KIF2A: variants seen among roughly 807,000 people sequenced by gnomAD.
The protein encoded by KIF2A is kinesin-like protein KIF2A.
A neutral mutation model predicts 100.2 loss-of-function variants in KIF2A; 22 were observed. That is an observed-to-expected ratio of 0.22 (90% CI 0.16 to 0.31). The LOEUF (loss-of-function observed/expected upper bound fraction) is 0.31. Among genes scored for constraint, KIF2A ranks in the 10% least tolerant of loss-of-function variants. The pLI is 1.00. For missense variants in KIF2A, 495 were observed against 898.7 expected (o/e 0.55, Z 5.74); for synonymous variants, 268 against 285.9 (o/e 0.94, Z 0.63).
rs76625425 is a variant in KIF2A at position 62,353,190 on chromosome 5, G to T, written c.458-85G>T. 1,033 of 629,980 alleles carry T rather than the reference G, an allele frequency of 1.6e-3. 9 individuals are homozygous for T. The African/African-American group carries it at 0.018, about 11-fold the overall frequency. The allele number at this position is 629,980 out of a possible 1,614,324, so 39.0% of individuals were successfully genotyped here. On this transcript the variant is annotated intron_variant, in intron 5 of 20. Transcript: ENST00000407818. ...GTCACTGTGTACCTTTTATGTGTGT[G>T]TGGTGAAGTTATACATAAAAAAAGT...
At chr5:62,362,245 AAGT>A (rs1227463611) in intron 11 of KIF2A, 2 of 199,214 alleles carry the variant, frequency 1.0e-5, no homozygotes, top group East Asian at 1.2e-4. Context: ...ATATAAATAA[AAGT>A]AGCACCCTTT....
In KIF2A at chr5:62,381,157, G is replaced by C; in HGVS notation, c.2053G>C (p.Glu685Gln). 1 of 1,610,798 alleles carries C rather than the reference G, an allele frequency of 6.2e-7. No homozygotes were observed. The highest frequency in any genetic ancestry group is 8.5e-7 in the Non-Finnish European group (1 of 1,177,178). ...GTTAGAAGATGAAAAGGCCCTCTTAGAGATGACTGAAGAAGTAGATTATGA... is the reference window on the plus strand; with the variant it reads ...GTTAGAAGATGAAAAGGCCCTCTTACAGATGACTGAAGAAGTAGATTATGA... The part of the protein sequence containing the change: ...RWLEDEKALL[E>Q]MTEEVDYDVD... Residue 685 changes from glutamate (E) to glutamine (Q), a missense_variant, in exon 20 of 21, where the codon GAG (glutamate) becomes CAG (glutamine). By Grantham distance (29) the Glu-to-Gln change is conservative. Coordinates refer to ENST00000407818, the MANE Select transcript of KIF2A (RefSeq NM_001098511.3).
chr5:62,332,122 CAT>C lies in KIF2A; in HGVS notation c.65-15004_65-15003del, dbSNP rs1746686193. 3.9e-5 allele frequency among the ~76,000 whole-genome samples: 6 copies of C among 152,130 alleles called. No homozygotes were observed. In the South Asian group the frequency reaches 1.2e-3, roughly 31 times the overall value. On this transcript the variant is annotated intron_variant, in intron 1 of 20. Coordinates refer to ENST00000407818, the MANE Select transcript of KIF2A (RefSeq NM_001098511.3). ...GTGAACTCAGCTGTGAACTAGAAAACATATAATAGGATCCTGTTTTCAGAGAC... is the reference window on the plus strand; with the variant it reads ...GTGAACTCAGCTGTGAACTAGAAAACATAATAGGATCCTGTTTTCAGAGAC...
Position 62,353,378 on chromosome 5 carries a change from T to C in KIF2A, c.558+3T>C. 3.4e-6 allele frequency: 5 copies of C among 1,491,446 alleles called. No homozygotes were observed. The highest frequency in any genetic ancestry group is 2.7e-6 in the Non-Finnish European group (3 of 1,105,806). 92.4% of individuals were successfully genotyped at this position (1,491,446 alleles called of 1,614,324 possible). On this transcript the variant is annotated splice_donor_region_variant and intron_variant, in intron 6 of 20. Coordinates refer to ENST00000407818, the MANE Select transcript of KIF2A (RefSeq NM_001098511.3). ...AACTTAGAGAAAAAAGAGCCCAGGTTCGTAACATAAACATATATTTTGTTT... is the reference window on the plus strand; with the variant it reads ...AACTTAGAGAAAAAAGAGCCCAGGTCCGTAACATAAACATATATTTTGTTT...
chr5:62,349,572 G>C (rs1452312503), intron 3 of KIF2A, among the ~76,000 whole-genome samples: 1 of 152,098 alleles, frequency 6.6e-6, no homozygotes, highest in African/African-American at 2.4e-5. Flanking sequence ...CAGTGTCCAA[G>C]TCTTAGAAAC....
Position 62,388,947 on chromosome 5 carries a change from A to G in KIF2A, c.*3378A>G. ...AGTAAAGCAAAAGCATTATCTTCTC[A>G]AATACAAAAAATACAAAATTCATTT... On this transcript the variant is annotated 3_prime_UTR_variant, in exon 21 of 21. Coordinates refer to ENST00000407818, the MANE Select transcript of KIF2A (RefSeq NM_001098511.3). The G allele has an allele frequency of 3.4e-6, 5 of 1,483,308 alleles. No homozygotes were observed. Among genetic ancestry groups the G allele is most frequent in the Non-Finnish European group, 3.7e-6 (4 of 1,073,970 alleles). The allele number at this position is 1,483,308 out of a possible 1,614,324, so 91.9% of individuals were successfully genotyped here.
rs947008737 is a variant in KIF2A, at chr5:62,385,361, A to T, written c.2150-123A>T. The T allele has an allele frequency of 1.5e-5, 10 of 650,198 alleles. No homozygotes were observed. In the African/African-American group the frequency reaches 1.8e-4, roughly 12 times the overall value. 40.3% of individuals were successfully genotyped at this position (650,198 alleles called of 1,614,324 possible). On this transcript the variant is annotated intron_variant, in intron 20 of 20. Coordinates refer to ENST00000407818, the MANE Select transcript of KIF2A (RefSeq NM_001098511.3). ...TCCGAGTTTCTAGACAACAAAGAAC[A>T]AAAGGAAAAATACTGAGTTACTGTT... is the stretch of plus-strand genomic sequence containing the variant.
Position 62,368,494 on chromosome 5 carries a change from G to A in KIF2A, c.1646+2013G>A, listed in dbSNP as rs552352522. Among the ~76,000 whole-genome samples the A allele has an allele frequency of 1.1e-4, 16 of 152,036 alleles. No individual in the cohort carries two copies. In the South Asian group the frequency reaches 3.3e-3, roughly 32 times the overall value. ...TAATCACTTCTTTAAAAATGTAATAGGGCCAGGCGCGGTGGCTTACACCTT... is the reference window on the plus strand; with the variant it reads ...TAATCACTTCTTTAAAAATGTAATAAGGCCAGGCGCGGTGGCTTACACCTT... On this transcript the variant is annotated intron_variant, in intron 16 of 20. Transcript: ENST00000407818.
In KIF2A at chr5:62,343,085, C is replaced by G. The variant is rs566359534; in HGVS notation, c.65-4045C>G. On this transcript the variant is annotated intron_variant, in intron 1 of 20. Transcript: ENST00000407818. ...AAGTTTTCTGTGCTCAGTCCTCTTT[C>G]CTCCCCCTTTTATCTTTAGCAGTAA... Among the ~76,000 whole-genome samples the G allele has an allele frequency of 6.6e-4, 100 of 152,200 alleles. 1 individual carries two copies. The Middle Eastern group carries it at 0.01, about 16-fold the overall frequency.
At chr5:62,324,987 A>G (rs1198511280) in intron 1 of KIF2A, among the ~76,000 whole-genome samples, 1 of 152,212 alleles carries the variant, frequency 6.6e-6, no homozygotes, top group Non-Finnish European at 1.5e-5. Context: ...TATAAGAAAC[A>G]ATTCAAGCAA....
chr5:62,343,090 C>G (rs1278945267), intron 1 of KIF2A, among the ~76,000 whole-genome samples: 1 of 152,122 alleles, frequency 6.6e-6, no homozygotes, highest in East Asian at 1.9e-4. Context: ...TCTTTCCTCC[C>G]CCTTTTATCT....
At chr5:62,364,804 A>G (rs1740988519) in intron 14 of KIF2A, among the ~76,000 whole-genome samples, 1 of 152,128 alleles carries the variant, frequency 6.6e-6, no homozygotes, top group African/African-American at 2.4e-5. Context: ...ACTATGCTTT[A>G]AAACTGTTGG....
chr5:62,317,239 G>A (rs974862943), intron 1 of KIF2A, among the ~76,000 whole-genome samples: 1 of 152,056 alleles, frequency 6.6e-6, no homozygotes, highest in Admixed American at 6.5e-5. Context: ...GTAGAGATGG[G>A]GTTTCTCCGT....
intron 1 of KIF2A, among the ~76,000 whole-genome samples, chr5:62,311,548 A>T (rs1745552498): frequency 6.6e-6 from 1 of 152,208 alleles, no homozygotes; most frequent in Admixed American, 6.5e-5. Context: ...AAATCTTTAG[A>T]AAAGATTTTA....
At chr5:62,362,956 A>G (rs1748482863) in intron 12 of KIF2A, among the ~76,000 whole-genome samples, 2 of 152,122 alleles carry the variant, frequency 1.3e-5, no homozygotes, top group Admixed American at 6.6e-5. Flanking sequence ...CTTTCCTAGT[A>G]GCTGCGACTA....
intron 19 of KIF2A, among the ~76,000 whole-genome samples, chr5:62,378,937 CTG>C (rs1741656923): frequency 6.6e-6 from 1 of 151,964 alleles, no homozygotes. Context: ...TTTAGTCAAA[CTG>C]TTATTATGAG....
At chr5:62,372,101 A>C (rs1043271374) in intron 16 of KIF2A, among the ~76,000 whole-genome samples, 1 of 152,206 alleles carries the variant, frequency 6.6e-6, no homozygotes, top group African/African-American at 2.4e-5. Flanking sequence ...TAGTCATGGT[A>C]CTGACTACAT....
At chr5:62,339,544 T>TTTTTTTTTTTTGAGACGGA in intron 1 of KIF2A, among the ~76,000 whole-genome samples, 1 of 147,698 alleles carries the variant, frequency 6.8e-6, no homozygotes, top group East Asian at 2.0e-4. Flanking sequence ...TCTCTTATTA[T>TTTTTTTTTTTTGAGACGGA]GTATCTTAGA....
At chr5:62,328,343 A>G (rs895961841) in intron 1 of KIF2A, among the ~76,000 whole-genome samples, 17 of 140,580 alleles carry the variant, frequency 1.2e-4, no homozygotes, top group Middle Eastern at 3.7e-3. Context: ...TTACATTGTT[A>G]CTATTTCAGC....
Sources: gnomAD v4.1 joint callset for allele counts (sites outside exome capture counted in the v4.1 genomes callset) on GRCh38, gnomAD v4.1.1 for gene constraint, MANE v1.5 for transcripts, NCBI Gene and HGNC (gene_info 2026-07-23, HGNC 2026-07-21) for gene names.